DCC: variants seen among roughly 807,000 people sequenced by gnomAD.
DCC encodes the protein netrin receptor DCC.
DCC carries 58 observed loss-of-function variants against 172.5 expected under a neutral mutation model. The ratio of observed to expected loss-of-function variants is 0.34; its 90% CI spans 0.27 to 0.42. The LOEUF (loss-of-function observed/expected upper bound fraction) is 0.42. DCC is among the 10% of genes least tolerant of loss of function. The probability of loss-of-function intolerance (pLI) is 1.00; values close to 1 mark genes in which losing one functional copy is unlikely to be tolerated. For missense variants in DCC, 1,740 were observed against 1,791.0 expected (o/e 0.97, Z 0.51); for synonymous variants, 709 against 644.5 (o/e 1.10, Z -1.52).
At chr18:53,143,797 A>G (rs2043866124) in intron 7 of DCC, among the ~76,000 whole-genome samples, 1 of 152,210 alleles carries the variant, frequency 6.6e-6, no homozygotes, top group Non-Finnish European at 1.5e-5. Flanking sequence ...TTCTGTCAAA[A>G]TATTTACTTA....
chr18:53,257,944 G>C (rs1217996337), intron 12 of DCC, among the ~76,000 whole-genome samples: 1 of 152,268 alleles, frequency 6.6e-6, no homozygotes, highest in South Asian at 2.1e-4. Context: ...TCTTGGGAGG[G>C]CGTATGTGTG....
chr18:52,589,582 C>T (rs942804030), intron 1 of DCC, among the ~76,000 whole-genome samples: 1 of 152,180 alleles, frequency 6.6e-6, no homozygotes, highest in Non-Finnish European at 1.5e-5. Flanking sequence ...TTTAGTGATG[C>T]CTCTTCCATG....
At chr18:53,216,857 A>G (rs1314609123) in intron 12 of DCC, among the ~76,000 whole-genome samples, 2 of 152,306 alleles carry the variant, frequency 1.3e-5, no homozygotes, top group African/African-American at 2.4e-5. Context: ...ACATAACCCT[A>G]CAAATGACAT....
intron 1 of DCC, among the ~76,000 whole-genome samples, chr18:52,644,746 AAGAAAGAG>A (rs1305736932): frequency 2.1e-5 from 3 of 143,108 alleles, no homozygotes; most frequent in Non-Finnish European, 1.5e-5. Flanking sequence ...CCATTTAAGA[AAGAAAGAG>A]AGAAAGAGAG....
intron 5 of DCC, among the ~76,000 whole-genome samples, chr18:52,971,604 A>G (rs1474263537): frequency 3.9e-5 from 6 of 152,052 alleles, no homozygotes. Flanking sequence ...GAATGACAGA[A>G]GCAAGAAAAA....
intron 2 of DCC, among the ~76,000 whole-genome samples, chr18:52,871,739 AAAC>A (rs142300456): frequency 6.6e-6 from 1 of 152,292 alleles, no homozygotes; most frequent in African/African-American, 2.4e-5. Flanking sequence ...CTTTGTGACA[AAAC>A]AACACAGAAA....
At position 52,802,643 on chromosome 18, in the gene DCC, C is replaced by CTT. The variant is rs776080029; in HGVS notation, c.412+50308_412+50309dup. Among the ~76,000 whole-genome samples, 297 of 38,198 alleles carry CTT rather than the reference C, an allele frequency of 7.8e-3. 85 individuals are homozygous for CTT. Among genetic ancestry groups the CTT allele is most frequent in the Non-Finnish European group, 0.012 (241 of 19,558 alleles). 25.1% of individuals were successfully genotyped at this position (38,198 alleles called of 152,430 possible). Reference sequence around the variant, plus strand: ...ACAGGTACACATCACCACGCCAAGCCTTTTTTTTTTTTTTTTTTTTTTTTT... The same window carrying CTT: ...ACAGGTACACATCACCACGCCAAGCCTTTTTTTTTTTTTTTTTTTTTTTTTTT... On this transcript the variant is annotated intron_variant, in intron 2 of 28. Transcript: ENST00000442544.
At chr18:52,646,138 T>G (rs925650701) in intron 1 of DCC, among the ~76,000 whole-genome samples, 1 of 152,196 alleles carries the variant, frequency 6.6e-6, no homozygotes, top group African/African-American at 2.4e-5. Context: ...CTGATCTCTC[T>G]GAGTCTCAGT....
intron 1 of DCC, among the ~76,000 whole-genome samples, chr18:52,599,933 T>C (rs2033984389): frequency 6.6e-6 from 1 of 152,218 alleles, no homozygotes; most frequent in East Asian, 1.9e-4. Flanking sequence ...TTGTTCCTTT[T>C]TTCCTGTTGT....
At chr18:53,480,843 T>G (rs1415156174) in intron 25 of DCC, 2 of 152,158 alleles carry the variant, frequency 1.3e-5, no homozygotes, top group Non-Finnish European at 2.9e-5. Flanking sequence ...CATAAAATAA[T>G]TATTGTTTAT....
At chr18:52,856,640 A>G (rs77309506) in intron 2 of DCC, among the ~76,000 whole-genome samples, 4 of 149,692 alleles carry the variant, frequency 2.7e-5, no homozygotes, top group African/African-American at 1.0e-4. Flanking sequence ...AAAAAAAAAA[A>G]AAAGAAAACA....
chr18:52,846,502 A>G (rs1036219709), intron 2 of DCC, among the ~76,000 whole-genome samples: 1 of 151,972 alleles, frequency 6.6e-6, no homozygotes, highest in Non-Finnish European at 1.5e-5. Flanking sequence ...TTGAGTCACT[A>G]CACTACAGCC....
chr18:53,230,981 A>C (rs2056113283), intron 12 of DCC, among the ~76,000 whole-genome samples: 1 of 134,236 alleles, frequency 7.4e-6, no homozygotes, highest in Non-Finnish European at 1.8e-5. Context: ...TTTCTTTAAT[A>C]AAATTGGTGT....
chr18:52,515,200 G>A (rs1283299861), intron 1 of DCC, among the ~76,000 whole-genome samples: 3 of 152,066 alleles, frequency 2.0e-5, no homozygotes, highest in Non-Finnish European at 2.9e-5. Context: ...GAGAAAAGAT[G>A]GCCTTTTCAA....
At chr18:52,858,432 A>G (rs556596188) in intron 2 of DCC, among the ~76,000 whole-genome samples, 1 of 152,312 alleles carries the variant, frequency 6.6e-6, no homozygotes, top group East Asian at 1.9e-4. Context: ...AACTCACAAC[A>G]CACAGAAGCA....
chr18:53,364,921 C>G (rs749527896), intron 15 of DCC, among the ~76,000 whole-genome samples: 3 of 152,044 alleles, frequency 2.0e-5, no homozygotes, highest in Non-Finnish European at 4.4e-5. Context: ...ATCCTTACCA[C>G]GATGTTTTCC....
chr18:52,997,168 TC>T (rs1348885449), intron 5 of DCC, among the ~76,000 whole-genome samples: 1 of 152,070 alleles, frequency 6.6e-6, no homozygotes, highest in Admixed American at 6.6e-5. Flanking sequence ...ACAGGCCACA[TC>T]TGCATCTGGA....
intron 1 of DCC, among the ~76,000 whole-genome samples, chr18:52,733,774 G>GTC (rs1295780765): frequency 6.6e-6 from 1 of 152,088 alleles, no homozygotes; most frequent in Non-Finnish European, 1.5e-5. Flanking sequence ...GGGATTACAG[G>GTC]TAAGAGCCAC....
At chr18:53,385,741 C>A (rs1229464256) in intron 15 of DCC, among the ~76,000 whole-genome samples, 1 of 152,164 alleles carries the variant, frequency 6.6e-6, no homozygotes, top group Non-Finnish European at 1.5e-5. Context: ...GTTGTTTATT[C>A]ACACCCACTT....
Sources: allele counts gnomAD v4.1 joint callset (sites outside exome capture counted in the v4.1 genomes callset), GRCh38; gene constraint gnomAD v4.1.1; transcripts MANE v1.5; gene names NCBI Gene and HGNC (gene_info 2026-07-23, HGNC 2026-07-21).